Variants in SCARA3 observed in about 807,000 individuals in gnomAD.
The protein encoded by SCARA3 is scavenger receptor class A member 3.
SCARA3 carries 39 observed loss-of-function variants against 47.0 expected under a neutral mutation model. That is an observed-to-expected ratio of 0.83 (90% CI 0.64 to 1.08). The LOEUF is 1.08. Among genes scored for constraint, SCARA3 ranks in the 50% least tolerant of loss-of-function variants. The probability of loss-of-function intolerance (pLI) is 0.00; values close to 1 mark genes in which losing one functional copy is unlikely to be tolerated. For synonymous variants in SCARA3, 356 were observed against 334.1 expected (o/e 1.07, Z -0.71); for missense variants, 724 against 792.3 (o/e 0.91, Z 1.04).
intron 3 of SCARA3, among the ~76,000 whole-genome samples, chr8:27,653,830 T>C (rs1174883716): frequency 1.3e-5 from 2 of 152,162 alleles, no homozygotes; most frequent in African/African-American, 2.4e-5. Flanking sequence ...ATGGAGCTTA[T>C]AATCTAGAGC....
chr8:27,693,308 A>T, the SCARA3 span, among the ~76,000 whole-genome samples: 1 of 152,204 alleles, frequency 6.6e-6, no homozygotes, highest in Non-Finnish European at 1.5e-5. Context: ...AACATTGGGC[A>T]CATGTTCTTA....
At chr8:27,720,514 T>A in the SCARA3 span, among the ~76,000 whole-genome samples, 10 of 152,138 alleles carry the variant, frequency 6.6e-5, no homozygotes, top group African/African-American at 2.2e-4. Context: ...TCAGAAAGAG[T>A]ACTGGCTTAG....
chr8:27,683,096 A>G, the SCARA3 span, among the ~76,000 whole-genome samples: 1 of 152,192 alleles, frequency 6.6e-6, no homozygotes, highest in Non-Finnish European at 1.5e-5. Flanking sequence ...GCATACCCAC[A>G]GTCAAAAGGA....
At chr8:27,699,035 G>C in the SCARA3 span, among the ~76,000 whole-genome samples, 1 of 151,872 alleles carries the variant, frequency 6.6e-6, no homozygotes, top group Non-Finnish European at 1.5e-5. Context: ...ATGAGGTCAG[G>C]AGATCGAGAC....
At chr8:27,660,790 G>A (rs928762694) in intron 5 of SCARA3, among the ~76,000 whole-genome samples, 1 of 151,506 alleles carries the variant, frequency 6.6e-6, no homozygotes, top group African/African-American at 2.4e-5. Context: ...AAACAGAGAT[G>A]ATAGGGATGA....
the SCARA3 span, chr8:27,702,228 A>G: frequency 6.6e-6 from 1 of 152,106 alleles, no homozygotes; most frequent in Non-Finnish European, 1.5e-5. Context: ...TTCAAGTCCT[A>G]TTTAAGTTTT....
chr8:27,660,654 A>AGATAGATAGATAGATAGATAGATC (rs60638219), intron 5 of SCARA3, among the ~76,000 whole-genome samples: 22 of 149,924 alleles, frequency 1.5e-4, no homozygotes, highest in South Asian at 8.6e-4. Context: ...ATAGATAGAT[A>AGATAGATAGATAGATAGATAGATC]GATCTAGAGA....
the SCARA3 span, among the ~76,000 whole-genome samples, chr8:27,724,878 C>T: frequency 6.6e-6 from 1 of 152,090 alleles, no homozygotes; most frequent in Non-Finnish European, 1.5e-5. Context: ...ATAAATAACT[C>T]AATAGGCAGA....
intron 5 of SCARA3, among the ~76,000 whole-genome samples, chr8:27,661,624 C>T (rs893610304): frequency 1.3e-5 from 2 of 152,008 alleles, no homozygotes; most frequent in African/African-American, 4.8e-5. Context: ...GAGGACATAC[C>T]ATAACCATGA....
At chr8:27,651,461 A>G in intron 2 of SCARA3, 47 bp from the exon 3 acceptor site, 1 of 1,598,560 alleles carries the variant, frequency 6.3e-7, no homozygotes, top group Admixed American at 1.7e-5. Context: ...TTCAGCTCCA[A>G]CCTGGGCCCC....
Position 27,671,348 on chromosome 8 carries a change from C to A in SCARA3, c.1818C>A (p.Tyr606Ter). The change falls in exon 6 of 6, where the codon TAC becomes TAA. Residue 606 changes from tyrosine (Y) to a stop codon, truncating the protein, a stop_gained. Transcript: ENST00000301904. LOFTEE classifies it high-confidence loss of function. ...GTCCACCAGGAAGCCAGAGCTTCTA[C>A]TGAGGAGGGCTGTGGCAGAGCCACT... Reference protein sequence around the residue: ...PPGPPGSQSFY With the variant: ...PPGPPGSQSF 7.1e-7 allele frequency: 1 copy of A among 1,416,050 alleles called. No individual in the cohort carries two copies. Among genetic ancestry groups the A allele is most frequent in the Non-Finnish European group, 9.2e-7 (1 of 1,087,390 alleles). The allele number at this position is 1,416,050 out of a possible 1,614,324, so 87.7% of individuals were successfully genotyped here.
At chr8:27,673,724 C>T (rs2128924720), downstream of SCARA3, among the ~76,000 whole-genome samples, 1 of 152,192 alleles carries the variant, frequency 6.6e-6, no homozygotes, top group South Asian at 2.1e-4. Flanking sequence ...TTCAACACAC[C>T]ATAAACATCA....
the SCARA3 span, chr8:27,697,355 G>A: frequency 8.0e-4 from 149 of 185,594 alleles, no homozygotes; most frequent in African/African-American, 3.0e-3. Flanking sequence ...TGCATTTCCC[G>A]AAATGCCCTG....
At chr8:27,658,309 G>A (rs949258787) in intron 4 of SCARA3, among the ~76,000 whole-genome samples, 187 bp from the exon 5 acceptor site, 2 of 152,096 alleles carry the variant, frequency 1.3e-5, no homozygotes, top group African/African-American at 2.4e-5. Flanking sequence ...CAAGAAAGTC[G>A]GTAAAAATGA....
chr8:27,723,491 C>T, the SCARA3 span, among the ~76,000 whole-genome samples: 3 of 152,294 alleles, frequency 2.0e-5, no homozygotes, highest in Middle Eastern at 3.4e-3. Flanking sequence ...AATCTCACTC[C>T]GACTGCTGAT....
At chr8:27,730,728 A>C in the SCARA3 span, among the ~76,000 whole-genome samples, 1 of 151,654 alleles carries the variant, frequency 6.6e-6, no homozygotes, top group Admixed American at 6.6e-5. Flanking sequence ...GGACTTAAGC[A>C]ATCTGTCCCT....
At chr8:27,646,979 C>A (rs1317325994) in intron 1 of SCARA3, among the ~76,000 whole-genome samples, 6 of 113,946 alleles carry the variant, frequency 5.3e-5, no homozygotes, top group African/African-American at 6.6e-5. Flanking sequence ...CCCGCCCCCC[C>A]CCCGCACACA....
At chr8:27,685,308 T>A in the SCARA3 span, among the ~76,000 whole-genome samples, 1 of 152,166 alleles carries the variant, frequency 6.6e-6, no homozygotes, top group East Asian at 1.9e-4. Context: ...AATCAGTGGT[T>A]TAAATATTCC....
chr8:27,723,241 T>A, the SCARA3 span, among the ~76,000 whole-genome samples: 1 of 152,164 alleles, frequency 6.6e-6, no homozygotes, highest in Non-Finnish European at 1.5e-5. Flanking sequence ...CTCCTTGAAG[T>A]TCACCCCTGA....
Sources: allele counts gnomAD v4.1 joint callset (sites outside exome capture counted in the v4.1 genomes callset), GRCh38; gene constraint gnomAD v4.1.1; transcripts MANE v1.5; gene names NCBI Gene and HGNC (gene_info 2026-07-23, HGNC 2026-07-21).